GARIN6: variants seen among roughly 807,000 people sequenced by gnomAD.
GARIN6 encodes golgi associated RAB2 interactor family member 6.
At chr12:99,648,190 A>T in the GARIN6 span, 1 of 1,613,774 alleles carries the variant, frequency 6.2e-7, no homozygotes, top group South Asian at 1.1e-5. Context: ...GGACTGCTGT[A>T]TGCTACCGTA....
At chr12:99,650,057 C>T in the GARIN6 span, 1 of 152,508 alleles carries the variant, frequency 6.6e-6, no homozygotes, top group African/African-American at 2.4e-5. Context: ...AAATTATCTG[C>T]TCTAATAACA....
At chr12:99,649,238 A>G in the GARIN6 span, 1 of 1,366,960 alleles carries the variant, frequency 7.3e-7, no homozygotes, top group Non-Finnish European at 1.0e-6. Context: ...TAGGAAGAGA[A>G]AGGAGATCTT....
chr12:99,649,496 C>A, the GARIN6 span: 2 of 921,338 alleles, frequency 2.2e-6, no homozygotes, highest in South Asian at 1.5e-5. Context: ...GTAGCAACAG[C>A]AGTAGTGATG....
the GARIN6 span, chr12:99,648,673 GA>G: frequency 5.0e-6 from 8 of 1,614,150 alleles, no homozygotes; most frequent in East Asian, 1.8e-4. Flanking sequence ...TGTTCACTGG[GA>G]AAACCTTGTT....
At chr12:99,648,643 G>A in the GARIN6 span, 4 of 1,614,186 alleles carry the variant, frequency 2.5e-6, no homozygotes, top group Admixed American at 1.7e-5. Flanking sequence ...TCCTCCATCG[G>A]ATGCAAGTGA....
chr12:99,648,486 C>T, the GARIN6 span: 53 of 1,613,922 alleles, frequency 3.3e-5, no homozygotes, highest in Non-Finnish European at 4.3e-5. Flanking sequence ...GTCCTGCCAC[C>T]CAGAAAAGAG....
the GARIN6 span, chr12:99,647,850 C>T: frequency 0.012 from 3,937 of 319,968 alleles, 135 homozygotes; most frequent in African/African-American, 0.076. Flanking sequence ...GAATATCAGG[C>T]TCAAATGGAG....
chr12:99,648,050 G>A, the GARIN6 span: 2 of 1,362,800 alleles, frequency 1.5e-6, no homozygotes, highest in South Asian at 1.5e-5. Context: ...GGACAAAAAA[G>A]AAAGCCTGCA....
At chr12:99,648,862 T>C in the GARIN6 span, 17 of 1,497,904 alleles carry the variant, frequency 1.1e-5, no homozygotes, top group Non-Finnish European at 1.5e-5. Flanking sequence ...GTAAAGCCTT[T>C]GGTGCTGCAG....
chr12:99,647,895 C>T, the GARIN6 span: 12 of 418,362 alleles, frequency 2.9e-5, no homozygotes, highest in African/African-American at 5.9e-5. Flanking sequence ...CCTGTGTGCC[C>T]GGACATCCAC....
At chr12:99,647,978 C>A in the GARIN6 span, 1 of 685,924 alleles carries the variant, frequency 1.5e-6, no homozygotes, top group Non-Finnish European at 2.4e-6. Flanking sequence ...AGGGGACTGA[C>A]TGTCTCTGGC....
chr12:99,649,582 G>A, the GARIN6 span: 1 of 555,062 alleles, frequency 1.8e-6, no homozygotes, highest in Non-Finnish European at 3.2e-6. Flanking sequence ...ACACAGCACT[G>A]GCAAAAGCAG....
At chr12:99,648,277 G>A in the GARIN6 span, 67 of 1,614,058 alleles carry the variant, frequency 4.2e-5, 1 homozygote, top group South Asian at 5.8e-4. Context: ...ACTGTACAAA[G>A]GCGAGTATAC....
chr12:99,648,332 T>A, the GARIN6 span: 1 of 1,614,138 alleles, frequency 6.2e-7, no homozygotes, highest in Non-Finnish European at 8.5e-7. Flanking sequence ...TTTATCCAGA[T>A]CAGCAAAAGA....
the GARIN6 span, chr12:99,649,684 T>C: frequency 9.2e-6 from 3 of 327,104 alleles, no homozygotes; most frequent in Non-Finnish European, 1.7e-5. Context: ...TGCATGCACA[T>C]TCTTGTCCTA....
the GARIN6 span, chr12:99,649,180 CAACAT>C: frequency 2.3e-6 from 2 of 882,492 alleles, no homozygotes; most frequent in Non-Finnish European, 3.7e-6. Flanking sequence ...GGTGGCAACA[CAACAT>C]GTTTGTGTAC....
At chr12:99,648,866 G>T in the GARIN6 span, 3 of 1,487,638 alleles carry the variant, frequency 2.0e-6, no homozygotes, top group Admixed American at 7.5e-5. Flanking sequence ...AGCCTTTGGT[G>T]CTGCAGCTCA....
the GARIN6 span, chr12:99,648,252 G>C: frequency 1.2e-6 from 2 of 1,614,216 alleles, no homozygotes; most frequent in Non-Finnish European, 1.7e-6. Context: ...CCTCCATGGG[G>C]AAGCTGCAGC....
the GARIN6 span, chr12:99,649,263 CTT>C: frequency 6.4e-7 from 1 of 1,568,318 alleles, no homozygotes; most frequent in South Asian, 1.1e-5. Flanking sequence ...GTCTCACTGT[CTT>C]TGCTTATTTG....
Sources: allele counts gnomAD v4.1 joint callset, GRCh38; gene constraint gnomAD v4.1.1; transcripts MANE v1.5; gene names NCBI Gene and HGNC (gene_info 2026-07-23, HGNC 2026-07-21).